The following OBSL1 variants were observed in gnomAD, a reference collection of about 807,000 sequenced individuals.
OBSL1 encodes the protein obscurin-like protein 1.
OBSL1 carries 160 observed loss-of-function variants against 172.0 expected under a neutral mutation model. The observed-to-expected ratio is 0.93, with a 90% CI of 0.82 to 1.06. OBSL1 has a LOEUF of 1.06. OBSL1 is among the 50% of genes least tolerant of loss of function. The pLI is 0.00. For synonymous variants in OBSL1, 1,200 were observed against 1,196.3 expected (o/e 1.00, Z -0.06); for missense variants, 2,681 against 2,715.4 (o/e 0.99, Z 0.28).
Position 219,563,450 on chromosome 2 carries a change from C to T in OBSL1, c.2585G>A (p.Arg862His), listed in dbSNP as rs751624583. The T allele has an allele frequency of 1.4e-5, 23 of 1,613,584 alleles. No homozygotes were observed. The East Asian group carries it at 1.8e-4, about 13-fold the overall frequency. The change falls in exon 7 of 21, where the codon CGC becomes CAC. Residue 862 changes from arginine (R) to histidine (H), a missense_variant. By Grantham distance (29) the Arg-to-His change is conservative. Coordinates refer to ENST00000404537, the MANE Select transcript of OBSL1 (RefSeq NM_015311.3). The stretch of plus-strand genomic sequence containing the variant: ...CTGGGTGGCGGGCAGCACCAGGCGG[C>T]GATGGGGCCCCTCATTCTCCAGCAC... ...FVVLENEGPH[R>H]RLVLPATQPS...
chr2:219,558,400 G>A lies in OBSL1; in HGVS notation c.3286C>T (p.Pro1096Ser). 1 of 1,605,748 alleles carries A rather than the reference G, an allele frequency of 6.2e-7. No individual in the cohort carries two copies. The highest frequency in any genetic ancestry group is 8.5e-7 in the Non-Finnish European group (1 of 1,177,252). ...ARSLDLHFGA[P>S]GRVELRCEVA... Reference sequence around the variant, plus strand: ...TCACAGCGCAGCTCCACGCGCCCTGGAGCCCCAAAATGCAGATCCAGGGAG... The same window carrying A: ...TCACAGCGCAGCTCCACGCGCCCTGAAGCCCCAAAATGCAGATCCAGGGAG... The change falls in exon 10 of 21, where the codon CCA (proline) becomes TCA (serine). Residue 1096 changes from proline (P) to serine (S), a missense_variant. Physicochemically the swap from Pro to Ser is moderately conservative, Grantham distance 74. Around this residue, in one of 5 missense-constraint regions of OBSL1, gnomAD observed 1,765 missense variants for 1,748.3 expected, o/e 1.01. Transcript: ENST00000404537.
At chr2:219,558,139 T>C in intron 10 of OBSL1, 29 bp from the exon 11 acceptor site, 10 of 1,611,354 alleles carry the variant, frequency 6.2e-6, no homozygotes, top group Non-Finnish European at 8.5e-6. Context: ...TGTCATCCCA[T>C]GCTTGCCCTT....
At chr2:219,552,466 G>T in intron 18 of OBSL1, 70 bp downstream of exon 18, 1 of 1,461,718 alleles carries the variant, frequency 6.8e-7, no homozygotes, top group Non-Finnish European at 9.1e-7. Context: ...GGCTTGTCCC[G>T]GTGGGGCGGG....
At chr2:219,556,850 A>C in intron 12 of OBSL1, 127 bp from the exon 13 acceptor site, 1 of 1,036,096 alleles carries the variant, frequency 9.7e-7, no homozygotes, top group Non-Finnish European at 1.4e-6. Flanking sequence ...CCTACTATGT[A>C]TCGACCACAC....
intron 7 of OBSL1, 76 bp downstream of exon 7, chr2:219,563,279 G>T: frequency 7.1e-7 from 1 of 1,414,004 alleles, no homozygotes; most frequent in Non-Finnish European, 9.4e-7. Flanking sequence ...TGGCCTGGGA[G>T]TGAAGGTGTG....
rs1426417762 is a variant in OBSL1 at position 219,570,761 on chromosome 2, T to A, written c.472A>T (p.Thr158Ser). 1 of 1,492,020 alleles carries A rather than the reference T, an allele frequency of 6.7e-7. No homozygotes were observed. Among genetic ancestry groups the A allele is most frequent in the Non-Finnish European group, 8.9e-7 (1 of 1,127,796 alleles). The allele number at this position is 1,492,020 out of a possible 1,614,324, so 92.4% of individuals were successfully genotyped here. A position where few individuals can be genotyped will look rare whatever the true frequency, so the allele number is the denominator to read the frequency against. ...TCRAGGLPEP[T>S]LYWEKDGMAL... ...ATCCCGTCCTTCTCCCAGTACAGTG[T>A]GGGCTCGGGGAGGCCCCCCGCCCGG... is the stretch of plus-strand genomic sequence containing the variant. The change falls in exon 1 of 21, where the codon ACA (threonine) becomes TCA (serine). Residue 158 changes from threonine (T) to serine (S), a missense_variant. Thr to Ser is a moderately conservative substitution (Grantham distance 58). Around this residue, in one of 5 missense-constraint regions of OBSL1, gnomAD observed 706 missense variants for 695.8 expected, o/e 1.01. Coordinates refer to ENST00000404537, the MANE Select transcript of OBSL1 (RefSeq NM_015311.3).
Position 219,554,566 on chromosome 2 carries a change from C to T in OBSL1, c.4784G>A (p.Arg1595Gln), listed in dbSNP as rs780179113. Reference sequence around the variant, plus strand: ...CAGGCCCAGGCCATTGAGTACCAGTCGGTGACGGTGGCCGTCCGAGTGGAT... The same window carrying T: ...CAGGCCCAGGCCATTGAGTACCAGTTGGTGACGGTGGCCGTCCGAGTGGAT... ...CHIHSDGHRH[R>Q]LVLNGLGLAD... Residue 1595 changes from arginine to glutamine, a missense_variant, in exon 15 of 21, where the codon CGA becomes CAA. Coordinates refer to ENST00000404537, the MANE Select transcript of OBSL1 (RefSeq NM_015311.3). 2.5e-5 allele frequency: 41 copies of T among 1,613,318 alleles called. No individual in the cohort carries two copies. Among genetic ancestry groups the T allele is most frequent in the African/African-American group, 6.7e-5 (5 of 74,924 alleles).
At chr2:219,550,190 G>A, downstream of OBSL1, 1 of 247,632 alleles carries the variant, frequency 4.0e-6, no homozygotes, top group Non-Finnish European at 7.8e-6. Flanking sequence ...TTTCTGACTG[G>A]TAGGGTTTCT....
intron 1 of OBSL1, 96 bp downstream of exon 1, chr2:219,570,125 G>T: frequency 8.8e-7 from 1 of 1,132,340 alleles, no homozygotes; most frequent in Non-Finnish European, 1.2e-6. Context: ...CTCTCCTCCA[G>T]TCTTGGGGGC....
rs1423583605 is a variant in OBSL1 at position 219,568,107 on chromosome 2, G to C, written c.1230C>G (p.Tyr410Ter). ...HRLKADDDGI[Y>*]LCEMRGRVRT... ...GCACCCGGCCCCGCATCTCGCACAG[G>C]TAGATACCATCATCGTCTGCCTTCA... The change falls in exon 2 of 21, where the codon TAC becomes TAG. Residue 410 changes from tyrosine (Y) to a stop codon, truncating the protein, a stop_gained. Transcript: ENST00000404537. LOFTEE classifies it high-confidence loss of function. This position sits in a 1 kb window ranked among gnomAD's most constrained non-coding sequence, Gnocchi z 4.1. 3.1e-6 allele frequency: 5 copies of C among 1,613,678 alleles called. No homozygotes were observed. In the Admixed American group the frequency reaches 8.3e-5, roughly 27 times the overall value.
rs573034993 is a variant in OBSL1 at position 219,551,735 on chromosome 2, G to T, written c.5477C>A (p.Ala1826Glu). ...REKTVLVGRRAVLEVTVSRSG... is the reference protein window; with the variant it reads ...REKTVLVGRREVLEVTVSRSG... The stretch of plus-strand genomic sequence containing the variant: ...GCGGGACACAGTCACCTCCAGCACC[G>T]CCCGGCGGCCCACCAGAACGGTCTT... The change falls in exon 20 of 21, where the codon GCG becomes GAG. Residue 1826 changes from alanine to glutamate, a missense_variant. By Grantham distance (107) the Ala-to-Glu change is moderately radical (BLOSUM62 -1). Coordinates refer to ENST00000404537, the MANE Select transcript of OBSL1 (RefSeq NM_015311.3). 6.2e-6 allele frequency: 10 copies of T among 1,601,620 alleles called. No homozygotes were observed. Among genetic ancestry groups the T allele is most frequent in the Non-Finnish European group, 8.5e-6 (10 of 1,172,778 alleles).
rs199594182 is a variant in OBSL1, at chr2:219,552,634, G to T, written c.5210C>A (p.Thr1737Lys). 3,526 of 1,560,014 alleles carry T rather than the reference G, an allele frequency of 2.3e-3. 5 individuals are homozygous for T. Among genetic ancestry groups the T allele is most frequent in the Non-Finnish European group, 2.9e-3 (3,349 of 1,158,006 alleles). ...SVSAREGDGA[T>K]FECTVSEVET... ...GACCTCCGACACGGTGCACTCGAAC[G>T]TAGCGCCGTCGCCTTCGCGGGCGCT... Residue 1737 changes from threonine (T) to lysine (K), a missense_variant, in exon 18 of 21, where the codon ACG becomes AAG. By Grantham distance (78) the Thr-to-Lys change is moderately conservative. Coordinates refer to ENST00000404537, the MANE Select transcript of OBSL1 (RefSeq NM_015311.3).
In OBSL1 at chr2:219,559,435, A is replaced by G; in HGVS notation, c.3016T>C (p.Cys1006Arg). 6.2e-7 allele frequency: 1 copy of G among 1,612,996 alleles called. No homozygotes were observed. The highest frequency in any genetic ancestry group is 1.1e-5 in the South Asian group (1 of 91,006). The change falls in exon 9 of 21, where the codon TGT (cysteine) becomes CGT (arginine). Residue 1006 changes from cysteine to arginine, a missense_variant. Cys to Arg is a radical substitution (Grantham distance 180). Coordinates refer to ENST00000404537, the MANE Select transcript of OBSL1 (RefSeq NM_015311.3). ...GACAGTTCACACATCAGCACCACACACTCCAAGGTCACGGCGATCAAGGTC... is the reference window on the plus strand; with the variant it reads ...GACAGTTCACACATCAGCACCACACGCTCCAAGGTCACGGCGATCAAGGTC... ...EVTLIAVTLE[C>R]VVLMCELSRE...
chr2:219,559,429 C>T lies in OBSL1; in HGVS notation c.3022G>A (p.Val1008Met). 1 of 1,613,856 alleles carries T rather than the reference C, an allele frequency of 6.2e-7. No homozygotes were observed. The highest frequency in any genetic ancestry group is 8.5e-7 in the Non-Finnish European group (1 of 1,179,860). Residue 1008 changes from valine to methionine, a missense_variant, in exon 9 of 21, where the codon GTG (valine) becomes ATG (methionine). Transcript: ENST00000404537. ...TLIAVTLECV[V>M]LMCELSREDA... is the part of the protein sequence containing the mutation. ...TCCCGAGACAGTTCACACATCAGCA[C>T]CACACACTCCAAGGTCACGGCGATC...
rs111301319 is a variant in OBSL1 at position 219,553,797 on chromosome 2, G to C, written c.4877-111C>G. Reference sequence around the variant, plus strand: ...AACAGGCAGTAGAGGACACTAGCGAGTGGGGTTCGAGCTGGGACAAGTGGT... The same window carrying C: ...AACAGGCAGTAGAGGACACTAGCGACTGGGGTTCGAGCTGGGACAAGTGGT... On this transcript the variant is annotated intron_variant, in intron 15 of 20. Coordinates refer to ENST00000404537, the MANE Select transcript of OBSL1 (RefSeq NM_015311.3). The C allele has an allele frequency of 2.2e-3, 1,444 of 658,202 alleles. 15 individuals are homozygous for C. The African/African-American group carries it at 0.024, about 11-fold the overall frequency. The allele number at this position is 658,202 out of a possible 1,614,324, so 40.8% of individuals were successfully genotyped here.
rs1038922663 is a variant in OBSL1 at position 219,571,051 on chromosome 2, G to A, written c.182C>T (p.Pro61Leu). ...CAGGCCGTGCTCCGCGCCGTCCGCC[G>A]GGAAGCTCAGGCGTTCCGAGGCCGC... ...QLAASERLSFPADGAEHGLLL... is the reference protein window; with the variant it reads ...QLAASERLSFLADGAEHGLLL... The change falls in exon 1 of 21, where the codon CCG (proline) becomes CTG (leucine). Residue 61 changes from proline to leucine, a missense_variant. Coordinates refer to ENST00000404537, the MANE Select transcript of OBSL1 (RefSeq NM_015311.3). 5 of 1,459,136 alleles carry A rather than the reference G, an allele frequency of 3.4e-6. No homozygotes were observed. The highest frequency in any genetic ancestry group is 4.5e-6 in the Non-Finnish European group (5 of 1,108,098). 90.4% of individuals were successfully genotyped at this position (1,459,136 alleles called of 1,614,324 possible). A position where few individuals can be genotyped will look rare whatever the true frequency, so the allele number is the denominator to read the frequency against.
chr2:219,567,659 C>G, intron 3 of OBSL1, 59 bp downstream of exon 3: 1 of 1,589,936 alleles, frequency 6.3e-7, no homozygotes, highest in Non-Finnish European at 8.6e-7. Context: ...CAACCCAGCT[C>G]CGGCATCTGG....
Position 219,562,623 on chromosome 2 carries a change from A to G in OBSL1, c.2732T>C (p.Val911Ala). Residue 911 changes from valine (V) to alanine (A), a missense_variant, in exon 8 of 21, where the codon GTG (valine) becomes GCG (alanine). Coordinates refer to ENST00000404537, the MANE Select transcript of OBSL1 (RefSeq NM_015311.3). ...GGTCAGCACCACACGCTCCAGGCGC[A>G]CGGCTGCCACATACACCTTGCCGCT... ...YPSGKVYVAA[V>A]RLERVVLTCE... The G allele has an allele frequency of 6.3e-7, 1 of 1,591,294 alleles. No homozygotes were observed. Among genetic ancestry groups the G allele is most frequent in the Non-Finnish European group, 8.5e-7 (1 of 1,169,610 alleles).
At position 219,562,065 on chromosome 2, in the gene OBSL1, T is replaced by C. The variant is rs1253222280; in HGVS notation, c.2953+337A>G. ...GCGCAGGGCCCCAGGACTACCCGTT[T>C]GCGACCCCTGGTTAACAGCTGCCTC... On this transcript the variant is annotated intron_variant, in intron 8 of 20. Transcript: ENST00000404537. The C allele has an allele frequency of 9.9e-6, 7 of 708,730 alleles. No individual in the cohort carries two copies. The Admixed American group carries it at 1.4e-4, about 14-fold the overall frequency. The allele number at this position is 708,730 out of a possible 1,614,324, so 43.9% of individuals were successfully genotyped here. A position where few individuals can be genotyped will look rare whatever the true frequency, so the allele number is the denominator to read the frequency against.
Sources: gnomAD v4.1 joint callset for allele counts on GRCh38, gnomAD v4.1.1 for gene constraint, gnomAD v4.1.1 regional missense constraint, Gnocchi (gnomAD v3.1) non-coding constraint, MANE v1.5 for transcripts, NCBI Gene and HGNC (gene_info 2026-07-23, HGNC 2026-07-21) for gene names.